The following CRTAC1 variants were observed in gnomAD, a reference collection of about 807,000 sequenced individuals.
The protein encoded by CRTAC1 is cartilage acidic protein 1.
Under a neutral mutation model 67.8 loss-of-function variants are expected in CRTAC1, and 37 were observed. The ratio of observed to expected loss-of-function variants is 0.55; its 90% CI spans 0.42 to 0.72. The LOEUF (loss-of-function observed/expected upper bound fraction) is 0.72. Ranked by LOEUF, CRTAC1 falls within the 30% of genes least tolerant of loss-of-function variation. The probability of loss-of-function intolerance (pLI) is 0.00; values close to 1 mark genes in which losing one functional copy is unlikely to be tolerated. For missense variants in CRTAC1, 780 were observed against 931.6 expected, an observed-to-expected ratio of 0.84 and a Z score of 2.12; for synonymous variants, 348 against 371.0, an observed-to-expected ratio of 0.94 and a Z score of 0.71.
intron 2 of CRTAC1, among the ~76,000 whole-genome samples, chr10:97,961,874 G>C (rs1026209297): frequency 1.4e-4 from 22 of 152,192 alleles, no homozygotes; most frequent in African/African-American, 4.8e-4. Context: ...CTTCCTCTAG[G>C]ATAAGCACCT....
intron 2 of CRTAC1, among the ~76,000 whole-genome samples, chr10:97,990,924 A>G (rs56823208): frequency 0.018 from 2,669 of 152,112 alleles, 70 homozygotes; most frequent in African/African-American, 0.06. Flanking sequence ...TGTTTAAACG[A>G]CTGCTTTAAA....
At chr10:97,879,238 G>C (rs2136535803) in intron 14 of CRTAC1, among the ~76,000 whole-genome samples, 1 of 152,176 alleles carries the variant, frequency 6.6e-6, no homozygotes, top group East Asian at 1.9e-4. Context: ...CACCAATAAG[G>C]CTTTCTCTAG....
chr10:97,945,761 G>A (rs771344882), intron 2 of CRTAC1, among the ~76,000 whole-genome samples: 9 of 152,140 alleles, frequency 5.9e-5, no homozygotes, highest in Non-Finnish European at 1.5e-5. Context: ...ACTGAAGAAG[G>A]TAACTTTAAG....
At chr10:97,884,431 A>G (rs2050254487) in intron 11 of CRTAC1, 80 bp from the exon 12 acceptor site, 3 of 1,283,574 alleles carry the variant, frequency 2.3e-6, no homozygotes, top group Admixed American at 2.1e-5. Context: ...CAACTAATTC[A>G]TCCATTGAAT....
rs1165060831 is a variant in CRTAC1 at position 97,900,610 on chromosome 10, C to A, written c.1133+893G>T. On this transcript the variant is annotated intron_variant, in intron 8 of 14. Transcript: ENST00000370597. The stretch of plus-strand genomic sequence containing the variant: ...TCCTGGTAGTGATTGGACCCCGTAG[C>A]CCCTTTTCCTGGTAGTGATTGGAGC... Among the ~76,000 whole-genome samples, 7 of 134,184 alleles carry A rather than the reference C, an allele frequency of 5.2e-5. No individual in the cohort carries two copies. In the East Asian group the frequency reaches 1.5e-3, roughly 30 times the overall value. 88.0% of individuals were successfully genotyped at this position (134,184 alleles called of 152,430 possible). A position where few individuals can be genotyped will look rare whatever the true frequency, so the allele number is the denominator to read the frequency against.
At chr10:97,999,831 G>C (rs1415630750) in intron 2 of CRTAC1, among the ~76,000 whole-genome samples, 1 of 152,162 alleles carries the variant, frequency 6.6e-6, no homozygotes, top group Non-Finnish European at 1.5e-5. Context: ...ACATCAGGAC[G>C]ACCAGCTGCA....
intron 2 of CRTAC1, among the ~76,000 whole-genome samples, chr10:97,971,752 A>G (rs1361932515): frequency 1.3e-5 from 2 of 152,244 alleles, no homozygotes; most frequent in Admixed American, 1.3e-4. Context: ...GTTTATTTAT[A>G]TACCTTGGAG....
At chr10:97,882,252 G>A (rs1395118084) in intron 13 of CRTAC1, among the ~76,000 whole-genome samples, 1 of 152,166 alleles carries the variant, frequency 6.6e-6, no homozygotes, top group African/African-American at 2.4e-5. Flanking sequence ...TCCCATTCCA[G>A]GCTCTTGGGG....
chr10:97,877,836 T>C (rs2050165317), intron 14 of CRTAC1, among the ~76,000 whole-genome samples: 1 of 152,252 alleles, frequency 6.6e-6, no homozygotes. Flanking sequence ...TTATAAGGCA[T>C]CATCTGAAGT....
intron 2 of CRTAC1, among the ~76,000 whole-genome samples, chr10:98,002,620 G>C (rs1009170542): frequency 1.3e-5 from 2 of 151,964 alleles, no homozygotes; most frequent in Non-Finnish European, 2.9e-5. Flanking sequence ...AAGACAGTGA[G>C]ATCTTTCAAA....
chr10:97,913,344 G>A (rs112530181), intron 5 of CRTAC1, among the ~76,000 whole-genome samples: 2,985 of 152,148 alleles, frequency 0.02, 103 homozygotes, highest in African/African-American at 0.067. Context: ...ATACACCCCC[G>A]CTCATCCTTC....
intron 2 of CRTAC1, among the ~76,000 whole-genome samples, chr10:97,957,860 C>T (rs2051463674): frequency 6.6e-6 from 1 of 152,102 alleles, no homozygotes; most frequent in African/African-American, 2.4e-5. Context: ...GGGTGAGGGG[C>T]TTGGAAACAG....
intron 2 of CRTAC1, among the ~76,000 whole-genome samples, chr10:97,991,099 C>CCAAAAAAAAAAAAA (rs1554932158): frequency 5.6e-5 from 1 of 17,978 alleles, no homozygotes; most frequent in African/African-American, 1.9e-4. Flanking sequence ...ACCATCTCTA[C>CCAAAAAAAAAAAAA]AAAAAAAAAA....
intron 5 of CRTAC1, among the ~76,000 whole-genome samples, chr10:97,914,890 G>C (rs558849457): frequency 2.6e-5 from 4 of 152,244 alleles, no homozygotes; most frequent in South Asian, 4.2e-4. Flanking sequence ...CACCCTCCCG[G>C]GGCCCTCGAG....
intron 2 of CRTAC1, among the ~76,000 whole-genome samples, chr10:97,967,581 C>A (rs1053559411): frequency 1.3e-5 from 2 of 152,146 alleles, no homozygotes; most frequent in African/African-American, 4.8e-5. Flanking sequence ...AGACATTTAT[C>A]TATAAATATT....
intron 2 of CRTAC1, among the ~76,000 whole-genome samples, chr10:97,976,382 C>T (rs895900826): frequency 1.3e-5 from 2 of 152,144 alleles, no homozygotes; most frequent in Non-Finnish European, 2.9e-5. Flanking sequence ...TAGTATTTGG[C>T]CTGAGGCAGG....
chr10:97,983,111 T>TAA (rs2136665089), intron 2 of CRTAC1, among the ~76,000 whole-genome samples: 1 of 152,268 alleles, frequency 6.6e-6, no homozygotes, highest in East Asian at 1.9e-4. Context: ...CAAACAAGTA[T>TAA]GAAACATGCC....
intron 1 of CRTAC1, among the ~76,000 whole-genome samples, chr10:98,016,581 G>C (rs59954170): frequency 0.022 from 3,372 of 152,234 alleles, 130 homozygotes; most frequent in African/African-American, 0.076. Flanking sequence ...CTGAACCCTA[G>C]CTGCCCAACA....
chr10:98,023,920 C>T (rs1359414408), intron 1 of CRTAC1, among the ~76,000 whole-genome samples: 2 of 152,202 alleles, frequency 1.3e-5, no homozygotes. Context: ...AAACACCAAC[C>T]AAGGCTGTTC....
Sources: allele counts gnomAD v4.1 joint callset (sites outside exome capture counted in the v4.1 genomes callset), GRCh38; gene constraint gnomAD v4.1.1; transcripts MANE v1.5; gene names NCBI Gene and HGNC (gene_info 2026-07-23, HGNC 2026-07-21).